TRPM3: variants seen among roughly 807,000 people sequenced by gnomAD.
TRPM3 encodes the protein transient receptor potential cation channel subfamily M member 3.
Under a neutral mutation model 181.2 loss-of-function variants are expected in TRPM3, and 77 were observed. The observed-to-expected ratio is 0.42, with a 90% CI of 0.35 to 0.51. TRPM3 has a LOEUF of 0.51. Among genes scored for constraint, TRPM3 ranks in the 20% least tolerant of loss-of-function variants. The pLI is 0.01. For missense variants in TRPM3, 1,759 were observed against 2,196.7 expected, an observed-to-expected ratio of 0.80 and a Z score of 3.98; for synonymous variants, 745 against 796.4, an observed-to-expected ratio of 0.94 and a Z score of 1.09.
intron 6 of TRPM3, among the ~76,000 whole-genome samples, chr9:70,810,345 C>G (rs544176103): frequency 3.3e-5 from 5 of 150,058 alleles, no homozygotes; most frequent in African/African-American, 9.8e-5. Context: ...TCTCCATCAC[C>G]CTGTCCTATG....
intron 1 of TRPM3, among the ~76,000 whole-genome samples, chr9:71,302,286 T>C (rs2132336644): frequency 6.6e-6 from 1 of 152,270 alleles, no homozygotes; most frequent in African/African-American, 2.4e-5. Context: ...TATTAGTAAA[T>C]ACTTCATTTA....
chr9:71,064,672 A>C (rs2133407187), intron 1 of TRPM3, among the ~76,000 whole-genome samples: 1 of 152,250 alleles, frequency 6.6e-6, no homozygotes, highest in Admixed American at 6.5e-5. Context: ...TGTAAAGGTA[A>C]GTTTTTAGAA....
At chr9:70,603,543 C>G in intron 19 of TRPM3, 73 bp from the exon 20 acceptor site, 1 of 1,559,400 alleles carries the variant, frequency 6.4e-7, no homozygotes, top group East Asian at 2.3e-5. Context: ...GGCCACTGCA[C>G]AGCAGCACAG....
chr9:70,823,094 C>T (rs1012405853), intron 6 of TRPM3, among the ~76,000 whole-genome samples: 4 of 152,130 alleles, frequency 2.6e-5, no homozygotes, highest in Admixed American at 6.5e-5. Flanking sequence ...TAGGCTGCTG[C>T]CCATGAGCCT....
intron 1 of TRPM3, among the ~76,000 whole-genome samples, chr9:71,349,128 C>T (rs1277314286): frequency 2.6e-5 from 4 of 152,100 alleles, no homozygotes; most frequent in African/African-American, 4.8e-5. Flanking sequence ...ATTGCCTGCT[C>T]CAATGGTAAT....
At chr9:71,285,208 C>G (rs1400057902) in intron 1 of TRPM3, among the ~76,000 whole-genome samples, 1 of 152,162 alleles carries the variant, frequency 6.6e-6, no homozygotes, top group East Asian at 1.9e-4. Flanking sequence ...AAGCTTTAGG[C>G]CCCACTGAAC....
At chr9:71,115,300 C>CACCT (rs2134275884) in intron 1 of TRPM3, among the ~76,000 whole-genome samples, 1 of 152,172 alleles carries the variant, frequency 6.6e-6, no homozygotes, top group Admixed American at 6.5e-5. Flanking sequence ...CTGAACCCAC[C>CACCT]ACCTACCTAC....
chr9:70,597,335 G>A (rs2132638890), intron 21 of TRPM3, among the ~76,000 whole-genome samples: 1 of 152,316 alleles, frequency 6.6e-6, no homozygotes, highest in South Asian at 2.1e-4. Flanking sequence ...GCCTCCCAAA[G>A]TGCTGGAATT....
chr9:71,282,102 AAAAG>A lies in TRPM3; in HGVS notation c.183+164547_183+164550del, dbSNP rs1216568629. 8.4e-5 allele frequency among the ~76,000 whole-genome samples: 5 copies of A among 59,626 alleles called. 1 individual carries two copies. Among genetic ancestry groups the A allele is most frequent in the Non-Finnish European group, 1.8e-4 (5 of 28,174 alleles). The allele number at this position is 59,626 out of a possible 152,430, so 39.1% of individuals were successfully genotyped here. A position where few individuals can be genotyped will look rare whatever the true frequency, so the allele number is the denominator to read the frequency against. ...AAAGGAAAGAAAGAGAGAAAGAAAG[AAAAG>A]AAAGAAAGAAAAAGAAAGAACGAAA... is the stretch of plus-strand genomic sequence containing the variant. On this transcript the variant is annotated intron_variant, in intron 1 of 24. Transcript: ENST00000357533.
chr9:70,898,747 CAAAAAAAA>C (rs34952516), intron 1 of TRPM3, among the ~76,000 whole-genome samples: 6 of 93,318 alleles, frequency 6.4e-5, no homozygotes, highest in South Asian at 3.8e-4. Context: ...GACTTCATCT[CAAAAAAAA>C]AAAAAAAAAA....
rs934610907 is a variant in TRPM3, at chr9:70,984,646, G to A, written c.178-120135C>T. Among the ~76,000 whole-genome samples the A allele has an allele frequency of 4.5e-4, 69 of 152,204 alleles. 3 individuals carry two copies. Among genetic ancestry groups the A allele is most frequent in the Non-Finnish European group, 2.9e-5 (2 of 68,032 alleles). ...GGGAGAAAGTGATGTAACAACAGAA[G>A]CAGAAATTGGAGTGATGTGGCCAGG... is the stretch of plus-strand genomic sequence containing the variant. On this transcript the variant is annotated intron_variant, in intron 1 of 25. Transcript: ENST00000677713.
intron 8 of TRPM3, among the ~76,000 whole-genome samples, chr9:70,752,014 G>C (rs866637308): frequency 8.7e-6 from 1 of 114,726 alleles, no homozygotes; most frequent in African/African-American, 3.2e-5. Context: ...GTGTGTGTGT[G>C]TGTGTGTGTG....
At chr9:71,187,073 C>T (rs2077723949) in intron 1 of TRPM3, among the ~76,000 whole-genome samples, 1 of 151,866 alleles carries the variant, frequency 6.6e-6, no homozygotes, top group Non-Finnish European at 1.5e-5. Flanking sequence ...ATGTTTGATA[C>T]CAACAATGAA....
intron 6 of TRPM3, among the ~76,000 whole-genome samples, chr9:70,808,794 GTTTT>G (rs1267601475): frequency 4.6e-5 from 7 of 152,346 alleles, no homozygotes; most frequent in Admixed American, 2.0e-4. Flanking sequence ...TGGTATTTGT[GTTTT>G]GGAAGGCCTT....
At chr9:70,785,028 T>G (rs1341249541) in intron 6 of TRPM3, among the ~76,000 whole-genome samples, 1 of 152,134 alleles carries the variant, frequency 6.6e-6, no homozygotes, top group Non-Finnish European at 1.5e-5. Flanking sequence ...GCTCAGCTAA[T>G]TTTTGTATGA....
rs556223305 is a variant in TRPM3 at position 70,645,759 on chromosome 9, A to T, written c.1346-5099T>A. Among the ~76,000 whole-genome samples the T allele has an allele frequency of 7.4e-4, 112 of 152,154 alleles. 1 individual carries two copies. Among genetic ancestry groups the T allele is most frequent in the African/African-American group, 1.7e-3 (69 of 41,566 alleles). ...CTTCACAGCAAAAAAAAAAAATAAA[A>T]AAAATAAATAAAACTATCATCAGAG... On this transcript the variant is annotated intron_variant, in intron 9 of 25. Transcript: ENST00000677713.
At chr9:71,293,921 C>G (rs11142788) in intron 1 of TRPM3, among the ~76,000 whole-genome samples, 28,397 of 151,732 alleles carry the variant, frequency 0.19, 2,711 homozygotes, top group African/African-American at 0.25. Flanking sequence ...GTATTGCATA[C>G]CTGCGAGGAA....
intron 21 of TRPM3, among the ~76,000 whole-genome samples, chr9:70,597,856 A>G (rs2059292595): frequency 6.6e-6 from 1 of 152,226 alleles, no homozygotes; most frequent in South Asian, 2.1e-4. Flanking sequence ...ATCAGCACAA[A>G]TAAATTATGT....
chr9:70,778,058 T>A (rs375467972), intron 7 of TRPM3, among the ~76,000 whole-genome samples: 56 of 152,132 alleles, frequency 3.7e-4, no homozygotes, highest in African/African-American at 1.3e-3. Context: ...TTTTACCAAT[T>A]TTCTTCAATC....
Sources: gnomAD v4.1 joint callset for allele counts (sites outside exome capture counted in the v4.1 genomes callset) on GRCh38, gnomAD v4.1.1 for gene constraint, MANE v1.5 for transcripts, NCBI Gene and HGNC (gene_info 2026-07-23, HGNC 2026-07-21) for gene names.